The following TLL1 variants were observed in gnomAD, a reference collection of about 807,000 sequenced individuals.
The protein encoded by TLL1 is tolloid-like protein 1.
Under a neutral mutation model 128.2 loss-of-function variants are expected in TLL1, and 49 were observed. The observed-to-expected ratio is 0.38, with a 90% CI of 0.30 to 0.48. The LOEUF is 0.48. TLL1 is among the 20% of genes least tolerant of loss of function. The pLI is 0.96. For synonymous variants in TLL1, 454 were observed against 418.8 expected (o/e 1.08, Z -1.03); for missense variants, 1,123 against 1,242.0 (o/e 0.90, Z 1.44).
rs1432363890 is a variant in TLL1, at chr4:166,103,983, T to G, written c.*3107T>G. The G allele has an allele frequency of 6.6e-6, 1 of 151,948 alleles. No homozygotes were observed. Among genetic ancestry groups the G allele is most frequent in the African/African-American group, 2.4e-5 (1 of 41,412 alleles). 9.4% of individuals were successfully genotyped at this position (151,948 alleles called of 1,614,324 possible). On this transcript the variant is annotated 3_prime_UTR_variant, in exon 21 of 21. Coordinates refer to ENST00000061240, the MANE Select transcript of TLL1 (RefSeq NM_012464.5). Reference sequence around the variant, plus strand: ...CTTTTTAAAAGAAATGGATGAGAAGTAATTGTGTTTCCAAAACCCTCAAAT... The same window carrying G: ...CTTTTTAAAAGAAATGGATGAGAAGGAATTGTGTTTCCAAAACCCTCAAAT...
At chr4:165,949,784 G>T (rs1734423235) in intron 1 of TLL1, among the ~76,000 whole-genome samples, 1 of 152,066 alleles carries the variant, frequency 6.6e-6, no homozygotes, top group African/African-American at 2.4e-5. Context: ...CTCCCACCGG[G>T]TCCCTCCCAC....
chr4:165,881,132 A>C (rs1251316042), intron 1 of TLL1, among the ~76,000 whole-genome samples: 1 of 152,194 alleles, frequency 6.6e-6, no homozygotes, highest in East Asian at 1.9e-4. Flanking sequence ...TATATGCCTC[A>C]TTGCATAGAA....
chr4:165,989,099 T>C (rs1456115926), intron 1 of TLL1, among the ~76,000 whole-genome samples: 1 of 152,132 alleles, frequency 6.6e-6, no homozygotes, highest in Non-Finnish European at 1.5e-5. Context: ...TGCCTATTTC[T>C]CTTTATTTAG....
chr4:165,916,860 A>G (rs1389452243), intron 1 of TLL1, among the ~76,000 whole-genome samples: 2 of 152,134 alleles, frequency 1.3e-5, no homozygotes, highest in East Asian at 1.9e-4. Flanking sequence ...CAGAAAAATC[A>G]TGTATTTTTG....
rs557886217 is a variant in TLL1, at chr4:165,951,310, T to A, written c.170-38071T>A. ...GGAGGGTTGGGATTAGAGTAAGGAA[T>A]TCGAATGAGAAAAATAGTGGCCAGA... On this transcript the variant is annotated intron_variant, in intron 1 of 20. Coordinates refer to ENST00000061240, the MANE Select transcript of TLL1 (RefSeq NM_012464.5). Among the ~76,000 whole-genome samples, 17 of 152,132 alleles carry A rather than the reference T, an allele frequency of 1.1e-4. No individual in the cohort carries two copies. The South Asian group carries it at 3.3e-3, about 30-fold the overall frequency.
chr4:165,995,242 G>A lies in TLL1; in HGVS notation c.632+64G>A, dbSNP rs77635855. ...AAAATTAAAAGGAAAACAATTAAAT[G>A]TCCATAGGTAAGATTTATTTCTTAA... is the stretch of plus-strand genomic sequence containing the variant. On this transcript the variant is annotated intron_variant, in intron 5 of 20. Coordinates refer to ENST00000061240, the MANE Select transcript of TLL1 (RefSeq NM_012464.5). The A allele has an allele frequency of 3.8e-3, 4,297 of 1,140,018 alleles. 111 individuals carry two copies. In the East Asian group the frequency reaches 0.058, roughly 15 times the overall value. 70.6% of individuals were successfully genotyped at this position (1,140,018 alleles called of 1,614,324 possible). A position where few individuals can be genotyped will look rare whatever the true frequency, so the allele number is the denominator to read the frequency against.
chr4:166,002,084 A>G (rs2111031677), intron 5 of TLL1, among the ~76,000 whole-genome samples: 1 of 152,300 alleles, frequency 6.6e-6, no homozygotes, highest in South Asian at 2.1e-4. Context: ...TTTAAACAAC[A>G]AACATTTATT....
chr4:165,899,558 C>G (rs1731853582), intron 1 of TLL1, among the ~76,000 whole-genome samples: 1 of 152,188 alleles, frequency 6.6e-6, no homozygotes, highest in African/African-American at 2.4e-5. Context: ...ATCCTGAGTT[C>G]TAATTTGACT....
intron 18 of TLL1, among the ~76,000 whole-genome samples, chr4:166,082,966 C>T (rs1172358656): frequency 6.6e-6 from 1 of 152,078 alleles, no homozygotes; most frequent in African/African-American, 2.4e-5. Flanking sequence ...AGTGAGCCAC[C>T]GTGCCCTGCT....
At chr4:165,894,059 C>CT (rs1352666261) in intron 1 of TLL1, among the ~76,000 whole-genome samples, 2 of 152,042 alleles carry the variant, frequency 1.3e-5, no homozygotes, top group African/African-American at 2.4e-5. Flanking sequence ...GCTAGAATAT[C>CT]TTATATTATA....
At chr4:166,086,365 G>T (rs79457020) in intron 18 of TLL1, among the ~76,000 whole-genome samples, 7,187 of 152,112 alleles carry the variant, frequency 0.047, 264 homozygotes, top group African/African-American at 0.084. Flanking sequence ...CTTAAAATGA[G>T]CACTGTTATA....
intron 1 of TLL1, among the ~76,000 whole-genome samples, chr4:165,877,950 GA>G (rs1325611131): frequency 6.6e-6 from 1 of 152,062 alleles, no homozygotes; most frequent in African/African-American, 2.4e-5. Flanking sequence ...ATTCTCTGTA[GA>G]CATTTGTGAA....
At chr4:166,070,996 C>G (rs1740787571) in intron 16 of TLL1, among the ~76,000 whole-genome samples, 2 of 151,864 alleles carry the variant, frequency 1.3e-5, no homozygotes, top group Admixed American at 1.3e-4. Context: ...AAAATTGTCT[C>G]TGTTGTAGCT....
intron 1 of TLL1, among the ~76,000 whole-genome samples, chr4:165,946,185 T>C (rs1007806427): frequency 1.3e-5 from 2 of 152,066 alleles, no homozygotes; most frequent in Non-Finnish European, 2.9e-5. Context: ...CTGAATGAGC[T>C]TGGGAGCTGA....
chr4:165,881,809 C>T (rs1332564776), intron 1 of TLL1, among the ~76,000 whole-genome samples: 1 of 152,106 alleles, frequency 6.6e-6, no homozygotes, highest in Non-Finnish European at 1.5e-5. Flanking sequence ...TGACAGCAGG[C>T]TTTCCATGTC....
At chr4:165,938,178 A>G (rs1365552090) in intron 1 of TLL1, among the ~76,000 whole-genome samples, 1 of 152,048 alleles carries the variant, frequency 6.6e-6, no homozygotes, top group Non-Finnish European at 1.5e-5. Flanking sequence ...TAGATAATAG[A>G]GTGGATGTGT....
At chr4:166,046,894 T>A (rs1739480702) in intron 12 of TLL1, among the ~76,000 whole-genome samples, 1 of 152,208 alleles carries the variant, frequency 6.6e-6, no homozygotes, top group South Asian at 2.1e-4. Flanking sequence ...AGCATGAATA[T>A]CAAGAATCAG....
At chr4:165,893,859 A>G (rs940847266) in intron 1 of TLL1, among the ~76,000 whole-genome samples, 6 of 152,176 alleles carry the variant, frequency 3.9e-5, no homozygotes, top group African/African-American at 9.6e-5. Context: ...AAAATACAGA[A>G]GGGATCCAAG....
At chr4:166,011,631 A>AT (rs1464719863) in intron 7 of TLL1, among the ~76,000 whole-genome samples, 6 of 151,104 alleles carry the variant, frequency 4.0e-5, no homozygotes, top group African/African-American at 1.2e-4. Context: ...ATTTTGCTTT[A>AT]TTTTTTCTCG....
Sources: allele counts gnomAD v4.1 joint callset (sites outside exome capture counted in the v4.1 genomes callset), GRCh38; gene constraint gnomAD v4.1.1; transcripts MANE v1.5; gene names NCBI Gene and HGNC (gene_info 2026-07-23, HGNC 2026-07-21).